The following MED13 variants were observed in gnomAD, a reference collection of about 807,000 sequenced individuals.
The protein encoded by MED13 is mediator of RNA polymerase II transcription subunit 13.
In MED13, 23 loss-of-function variants were observed where a neutral mutation model predicts 225.2. The ratio of observed to expected loss-of-function variants is 0.10; its 90% CI spans 0.07 to 0.14. The LOEUF is 0.14. Ranked by LOEUF, MED13 falls within the 10% of genes least tolerant of loss-of-function variation. The pLI is 1.00. For synonymous variants in MED13, 942 were observed against 889.2 expected, an observed-to-expected ratio of 1.06 and a Z score of -1.06; for missense variants, 2,197 against 2,594.5, an observed-to-expected ratio of 0.85 and a Z score of 3.33.
intron 24 of MED13, 70 bp downstream of exon 24, chr17:61,956,269 G>C: frequency 7.0e-7 from 1 of 1,436,308 alleles, no homozygotes; most frequent in Non-Finnish European, 9.5e-7. Context: ...TATATACCTA[G>C]ACGTGGTCAG....
At chr17:61,989,247 T>C (rs540145001) in intron 11 of MED13, among the ~76,000 whole-genome samples, 15 of 152,228 alleles carry the variant, frequency 9.9e-5, no homozygotes, top group African/African-American at 3.4e-4. Flanking sequence ...CCTGACCTCA[T>C]GATCCACCTG....
chr17:61,993,530 G>C (rs2080320779), intron 10 of MED13, among the ~76,000 whole-genome samples: 1 of 151,784 alleles, frequency 6.6e-6, no homozygotes, highest in Admixed American at 6.6e-5. Context: ...TATACCTGCA[G>C]CCTTCCCAAC....
At chr17:62,026,476 AT>A (rs1237716336) in intron 8 of MED13, among the ~76,000 whole-genome samples, 2 of 149,238 alleles carry the variant, frequency 1.3e-5, no homozygotes, top group Non-Finnish European at 3.0e-5. Context: ...TGTATTTATC[AT>A]TAAAAAAAAA....
chr17:61,965,235 A>G lies in MED13; in HGVS notation c.4615T>C (p.Ser1539Pro), dbSNP rs2080046256. 6.2e-7 allele frequency: 1 copy of G among 1,614,134 alleles called. No individual in the cohort carries two copies. The highest frequency in any genetic ancestry group is 8.5e-7 in the Non-Finnish European group (1 of 1,179,944). The change falls in exon 20 of 30, where the codon TCA becomes CCA. Residue 1539 changes from serine (S) to proline (P), a missense_variant. By Grantham distance (74) the Ser-to-Pro change is moderately conservative. Around this residue, in one of 12 missense-constraint regions of MED13, gnomAD observed 457 missense variants for 442.2 expected, o/e 1.03. Coordinates refer to ENST00000397786, the MANE Select transcript of MED13 (RefSeq NM_005121.3). ...TTCAAGTTGGAGGATGATGAAGATG[A>G]AGTTGAAGCTGTGGTCAAAGTTGAA... ...ANSTLTTAST[S>P]SSSSSNLNSG... is the part of the protein sequence containing the mutation.
At chr17:61,966,087 T>G (rs2080055444) in intron 19 of MED13, among the ~76,000 whole-genome samples, 1 of 152,206 alleles carries the variant, frequency 6.6e-6, no homozygotes, top group Admixed American at 6.5e-5. Flanking sequence ...CTTGGTTTGG[T>G]AGAGATTAAC....
chr17:62,011,466 C>T (rs1379588074), intron 8 of MED13, among the ~76,000 whole-genome samples: 1 of 152,010 alleles, frequency 6.6e-6, no homozygotes, highest in African/African-American at 2.4e-5. Context: ...CATTTAATAG[C>T]CATGTGATCA....
intron 16 of MED13, among the ~76,000 whole-genome samples, chr17:61,979,156 T>A (rs1350867868): frequency 1.3e-5 from 2 of 152,210 alleles, no homozygotes; most frequent in Non-Finnish European, 2.9e-5. Flanking sequence ...TTAAAGGGTA[T>A]CTGACTATAT....
chr17:61,949,067 G>A (rs956103943), intron 28 of MED13, among the ~76,000 whole-genome samples: 96 of 149,842 alleles, frequency 6.4e-4, no homozygotes, highest in Non-Finnish European at 1.0e-3. Context: ...CAGCCTGGGC[G>A]ACAGAGCGAG....
intron 16 of MED13, among the ~76,000 whole-genome samples, chr17:61,980,829 G>A (rs1339253572): frequency 1.3e-5 from 2 of 151,644 alleles, no homozygotes; most frequent in East Asian, 3.9e-4. Flanking sequence ...CACAACCTCC[G>A]CCCCCCAGGT....
intron 8 of MED13, among the ~76,000 whole-genome samples, chr17:62,012,048 C>G (rs183325127): frequency 1.3e-5 from 2 of 151,766 alleles, no homozygotes; most frequent in Non-Finnish European, 2.9e-5. Flanking sequence ...AAAACCCCGT[C>G]CTTACAAAAA....
intron 21 of MED13, among the ~76,000 whole-genome samples, chr17:61,962,264 G>A (rs954248062): frequency 3.3e-5 from 5 of 152,042 alleles, no homozygotes; most frequent in African/African-American, 1.2e-4. Flanking sequence ...CCAGTCTGGC[G>A]ACAGAGCGAG....
rs147989263 is a variant in MED13, at chr17:61,957,419, T to C, written c.5481-938A>G. 5.3e-3 allele frequency among the ~76,000 whole-genome samples: 791 copies of C among 149,942 alleles called. 5 individuals carry two copies. The highest frequency in any genetic ancestry group is 0.018 in the African/African-American group (746 of 40,758). Reference sequence around the variant, plus strand: ...GGCTAGAGTGCAGTGGCATGATCTCTGCTCACTGCAACCTCCGCCTCCTGG... The same window carrying C: ...GGCTAGAGTGCAGTGGCATGATCTCCGCTCACTGCAACCTCCGCCTCCTGG... On this transcript the variant is annotated intron_variant, in intron 23 of 29. Transcript: ENST00000397786.
At chr17:61,956,271 C>T (rs182836443) in intron 24 of MED13, 68 bp downstream of exon 24, 18 of 1,449,148 alleles carry the variant, frequency 1.2e-5, no homozygotes, top group East Asian at 4.6e-5. Context: ...TATACCTAGA[C>T]GTGGTCAGAA....
At chr17:61,985,197 G>A in intron 12 of MED13, 107 bp from the exon 13 acceptor site, 1 of 900,212 alleles carries the variant, frequency 1.1e-6, no homozygotes, top group African/African-American at 1.7e-5. Context: ...ATTAAAAGTA[G>A]TATTTTGAAT....
intron 8 of MED13, among the ~76,000 whole-genome samples, chr17:62,029,118 T>G (rs984128239): frequency 6.6e-6 from 1 of 152,046 alleles, no homozygotes; most frequent in East Asian, 1.9e-4. Context: ...CCATGATCAC[T>G]CCAGCCTGGG....
chr17:62,009,721 T>A, intron 9 of MED13, among the ~76,000 whole-genome samples: 1 of 152,304 alleles, frequency 6.6e-6, no homozygotes, highest in South Asian at 2.1e-4. Context: ...GGCTTTTAGA[T>A]GTATTTCCTA....
chr17:61,960,185 TA>T (rs2079986774), intron 23 of MED13, among the ~76,000 whole-genome samples: 1 of 152,224 alleles, frequency 6.6e-6, no homozygotes, highest in Admixed American at 6.5e-5. Context: ...TGTTGTGACC[TA>T]TTAGTTATAT....
intron 8 of MED13, chr17:62,029,278 C>T: frequency 2.1e-6 from 1 of 475,898 alleles, no homozygotes; most frequent in Non-Finnish European, 3.7e-6. Flanking sequence ...ACCATAGCTC[C>T]ATATAAAATT....
chr17:61,970,423 G>A (rs2080096675), intron 17 of MED13, among the ~76,000 whole-genome samples: 1 of 152,164 alleles, frequency 6.6e-6, no homozygotes. Flanking sequence ...GCTCACGCCT[G>A]TAATCTCAGC....
Sources: allele counts gnomAD v4.1 joint callset (sites outside exome capture counted in the v4.1 genomes callset), GRCh38; gene constraint gnomAD v4.1.1; regional missense constraint gnomAD v4.1.1; transcripts MANE v1.5; gene names NCBI Gene and HGNC (gene_info 2026-07-23, HGNC 2026-07-21).